KCNH7: variants seen among roughly 807,000 people sequenced by gnomAD.
KCNH7 encodes the protein voltage-gated inwardly rectifying potassium channel KCNH7.
A neutral mutation model predicts 120.8 loss-of-function variants in KCNH7; 49 were observed. The ratio of observed to expected loss-of-function variants is 0.41; its 90% CI spans 0.32 to 0.51. KCNH7 has a LOEUF of 0.51. Ranked by LOEUF, KCNH7 falls within the 20% of genes least tolerant of loss-of-function variation. The pLI, the probability that KCNH7 is intolerant of heterozygous loss-of-function variation, is 0.38. For synonymous variants in KCNH7, 547 were observed against 516.1 expected (o/e 1.06, Z -0.81); for missense variants, 1,097 against 1,446.6 (o/e 0.76, Z 3.92).
intron 2 of KCNH7, among the ~76,000 whole-genome samples, chr2:162,807,272 A>AAAAAAAAAAAAAAAAAAC (rs1559143065): frequency 8.4e-6 from 1 of 119,020 alleles, no homozygotes. Context: ...AAAAAAAAAA[A>AAAAAAAAAAAAAAAAAAC]AAAAAAAAAA....
intron 3 of KCNH7, chr2:162,528,500 T>C (rs1265134138): frequency 6.6e-6 from 1 of 151,874 alleles, no homozygotes; most frequent in Non-Finnish European, 1.5e-5. Flanking sequence ...AGCATTTTAG[T>C]AGAGGGGACA....
At chr2:162,726,671 C>A (rs141988366) in intron 2 of KCNH7, among the ~76,000 whole-genome samples, 1 of 152,142 alleles carries the variant, frequency 6.6e-6, no homozygotes, top group Non-Finnish European at 1.5e-5. Flanking sequence ...CCGCCCACCT[C>A]GGCCTTGTCA....
chr2:162,705,501 C>A (rs765413627), intron 2 of KCNH7, among the ~76,000 whole-genome samples: 14 of 151,966 alleles, frequency 9.2e-5, no homozygotes, highest in Non-Finnish European at 1.6e-4. Flanking sequence ...AAGTCATTTG[C>A]CTTATTTCTC....
chr2:162,420,276 T>C (rs1370092787), intron 9 of KCNH7, among the ~76,000 whole-genome samples: 1 of 152,146 alleles, frequency 6.6e-6, no homozygotes, highest in Non-Finnish European at 1.5e-5. Flanking sequence ...CTCAGGAGGC[T>C]GAGGCAGGAG....
At chr2:162,588,516 G>GT (rs1694096998) in intron 2 of KCNH7, among the ~76,000 whole-genome samples, 1 of 151,964 alleles carries the variant, frequency 6.6e-6, no homozygotes, top group Non-Finnish European at 1.5e-5. Context: ...TGAACCTCTT[G>GT]TTGAAATCAA....
intron 2 of KCNH7, among the ~76,000 whole-genome samples, chr2:162,701,299 C>T (rs1200211060): frequency 6.6e-6 from 1 of 152,066 alleles, no homozygotes; most frequent in Non-Finnish European, 1.5e-5. Context: ...GTTTGCTAAT[C>T]ATGCATCATT....
At chr2:162,521,011 A>G (rs986615382) in intron 3 of KCNH7, among the ~76,000 whole-genome samples, 18 of 151,714 alleles carry the variant, frequency 1.2e-4, no homozygotes, top group African/African-American at 4.4e-4. Flanking sequence ...TACTTCACCT[A>G]CTGAGCTCAT....
chr2:162,750,375 G>T (rs1448206038), intron 2 of KCNH7, among the ~76,000 whole-genome samples: 3 of 151,932 alleles, frequency 2.0e-5, no homozygotes, highest in Non-Finnish European at 4.4e-5. Context: ...ATAAATTTTA[G>T]CATATACTGT....
chr2:162,814,804 G>C (rs1392395173), intron 2 of KCNH7, among the ~76,000 whole-genome samples: 1 of 152,030 alleles, frequency 6.6e-6, no homozygotes, highest in East Asian at 1.9e-4. Context: ...TCTTTTGGAG[G>C]GGGTGAGCAG....
At position 162,820,149 on chromosome 2, in the gene KCNH7, C is replaced by A. The variant is rs1685061627; in HGVS notation, c.307+16388G>T. Among the ~76,000 whole-genome samples, 3 of 148,044 alleles carry A rather than the reference C, an allele frequency of 2.0e-5. No homozygotes were observed. In the Admixed American group the frequency reaches 2.1e-4, roughly 10 times the overall value. ...CCGCCTCCTGGGTTCACGCCATTCT[C>A]CTGCCTCAGCCTCAGGAGTAGCTGG... On this transcript the variant is annotated intron_variant, in intron 2 of 15. Transcript: ENST00000332142.
intron 3 of KCNH7, among the ~76,000 whole-genome samples, chr2:162,529,474 A>G (rs1304344220): frequency 6.6e-6 from 1 of 151,990 alleles, no homozygotes; most frequent in Non-Finnish European, 1.5e-5. Flanking sequence ...GTGTGCATGT[A>G]TCTGTGTGTG....
intron 4 of KCNH7, 89 bp downstream of exon 4, chr2:162,517,641 G>T: frequency 8.9e-7 from 1 of 1,122,994 alleles, no homozygotes; most frequent in Non-Finnish European, 1.2e-6. Flanking sequence ...CCAATGCACA[G>T]AGATTATTGT....
intron 3 of KCNH7, among the ~76,000 whole-genome samples, chr2:162,520,643 C>T (rs779272032): frequency 2.0e-5 from 3 of 151,732 alleles, no homozygotes; most frequent in Non-Finnish European, 4.4e-5. Context: ...GTGGCATATG[C>T]CTGTAGTCCG....
chr2:162,429,752 T>C (rs879640578), intron 8 of KCNH7, among the ~76,000 whole-genome samples: 5 of 150,974 alleles, frequency 3.3e-5, no homozygotes, highest in South Asian at 2.1e-4. Flanking sequence ...GTGTATTTTA[T>C]TCATACTTAA....
At chr2:162,764,629 C>T (rs1053122728) in intron 2 of KCNH7, among the ~76,000 whole-genome samples, 2 of 152,060 alleles carry the variant, frequency 1.3e-5, no homozygotes, top group African/African-American at 2.4e-5. Context: ...AGTACAAAAG[C>T]CAGATCGAAA....
intron 2 of KCNH7, among the ~76,000 whole-genome samples, chr2:162,814,065 G>A (rs1045059395): frequency 6.6e-6 from 1 of 152,138 alleles, no homozygotes; most frequent in Non-Finnish European, 1.5e-5. Context: ...GATGCCAAGC[G>A]ACCTTGGGCA....
intron 2 of KCNH7, among the ~76,000 whole-genome samples, chr2:162,708,961 A>C (rs1013459876): frequency 6.6e-6 from 1 of 152,094 alleles, no homozygotes; most frequent in Non-Finnish European, 1.5e-5. Flanking sequence ...GATTGCTCTT[A>C]TCTTGTTAGT....
rs1362861173 is a variant in KCNH7, at chr2:162,813,339, A to AT, written c.307+23197dup. ...TCTTCCACCTGCCAGAATCAGATACATTCCTCGATCAGGTACACTCCTCTA... is the reference window on the plus strand; with the variant it reads ...TCTTCCACCTGCCAGAATCAGATACATTTCCTCGATCAGGTACACTCCTCTA... On this transcript the variant is annotated intron_variant, in intron 2 of 15. Coordinates refer to ENST00000332142, the MANE Select transcript of KCNH7 (RefSeq NM_033272.4). Among the ~76,000 whole-genome samples, 3 of 152,188 alleles carry AT rather than the reference A, an allele frequency of 2.0e-5. No homozygotes were observed. The East Asian group carries it at 5.8e-4, about 29-fold the overall frequency.
chr2:162,709,739 T>G (rs1440985320), intron 2 of KCNH7, among the ~76,000 whole-genome samples: 1 of 152,196 alleles, frequency 6.6e-6, no homozygotes, highest in East Asian at 1.9e-4. Context: ...TTCTCCTGAC[T>G]TGTTAGCCAT....
Sources: allele counts gnomAD v4.1 joint callset (sites outside exome capture counted in the v4.1 genomes callset), GRCh38; gene constraint gnomAD v4.1.1; transcripts MANE v1.5; gene names NCBI Gene and HGNC (gene_info 2026-07-23, HGNC 2026-07-21).